PARVG: variants seen among roughly 807,000 people sequenced by gnomAD.
PARVG encodes parvin gamma.
In PARVG, 36 loss-of-function variants were observed where a neutral mutation model predicts 44.4. The ratio of observed to expected loss-of-function variants is 0.81; its 90% CI spans 0.62 to 1.07. The LOEUF (loss-of-function observed/expected upper bound fraction) is 1.07, where lower values mean the gene tolerates loss of function less well. Among genes scored for constraint, PARVG ranks in the 50% least tolerant of loss-of-function variants. The probability of loss-of-function intolerance (pLI) is 0.00; values close to 1 mark genes in which losing one functional copy is unlikely to be tolerated. For missense variants in PARVG, 407 were observed against 407.4 expected, an observed-to-expected ratio of 1.00 and a Z score of 0.01; for synonymous variants, 170 against 174.1, an observed-to-expected ratio of 0.98 and a Z score of 0.19.
Position 44,206,378 on chromosome 22 carries a change from C to T in PARVG, c.948C>T (p.His316=), listed in dbSNP as rs773119738. 6.2e-7 allele frequency: 1 copy of T among 1,614,056 alleles called. No homozygotes were observed. The highest frequency in any genetic ancestry group is 8.5e-7 in the Non-Finnish European group (1 of 1,180,000). Residue 316 remains histidine (H), a synonymous_variant, in exon 14 of 14, where the codon CAC becomes CAT. Coordinates refer to ENST00000444313, the MANE Select transcript of PARVG (RefSeq NM_022141.7). The part of the protein sequence containing the change: ...LRVLYGLFCK[H]TQKAHRDRTP... Reference sequence around the variant, plus strand: ...TGCTCTATGGTCTGTTCTGCAAGCACACGCAGAAGGCACACAGGGACAGGA... The same window carrying T: ...TGCTCTATGGTCTGTTCTGCAAGCATACGCAGAAGGCACACAGGGACAGGA...
rs1569183607 is a variant in PARVG at position 44,193,793 on chromosome 22, C to T, written c.561-8C>T. The T allele has an allele frequency of 1.2e-6, 2 of 1,613,360 alleles. No individual in the cohort carries two copies. Among genetic ancestry groups the T allele is most frequent in the Non-Finnish European group, 1.7e-6 (2 of 1,179,788 alleles). ...ACCATTTGTTTGCTTTTTCCACCCA[C>T]TGCACAGCACAGACAAGGACGAGCC... On this transcript the variant is annotated splice_region_variant and splice_polypyrimidine_tract_variant and intron_variant, in intron 8 of 13. Transcript: ENST00000444313.
chr22:44,185,221 G>C (rs1022055930), intron 3 of PARVG: 2 of 153,026 alleles, frequency 1.3e-5, no homozygotes, highest in Admixed American at 1.3e-4. Context: ...TGTGAATTTA[G>C]GCAAGACAGT....
intron 12 of PARVG, among the ~76,000 whole-genome samples, chr22:44,205,411 G>C (rs915850605): frequency 6.6e-6 from 1 of 152,208 alleles, no homozygotes; most frequent in African/African-American, 2.4e-5. Context: ...ACCTCCACCA[G>C]GAAGCCTTCC....
intron 3 of PARVG, chr22:44,184,306 C>T (rs939934718): frequency 6.6e-6 from 1 of 152,228 alleles, no homozygotes; most frequent in Admixed American, 6.5e-5. Flanking sequence ...CGGCTTTCTC[C>T]AGCTCCTGTG....
chr22:44,193,199 G>C (rs2054572578), intron 8 of PARVG, among the ~76,000 whole-genome samples: 1 of 151,598 alleles, frequency 6.6e-6, no homozygotes, highest in Non-Finnish European at 1.5e-5. Context: ...CTATGGGGTA[G>C]AGGTGGATCT....
intron 1 of PARVG, among the ~76,000 whole-genome samples, chr22:44,175,316 A>G (rs1207545219): frequency 6.6e-6 from 1 of 152,156 alleles, no homozygotes; most frequent in Non-Finnish European, 1.5e-5. Flanking sequence ...TTGCACGGCC[A>G]CTTGCCCTCA....
intron 12 of PARVG, among the ~76,000 whole-genome samples, chr22:44,198,968 A>C: frequency 1.6e-5 from 2 of 124,672 alleles, no homozygotes; most frequent in Admixed American, 8.1e-5. Flanking sequence ...CCATCCATCC[A>C]TCCATCCATC....
chr22:44,184,716 A>G (rs2054437923), intron 3 of PARVG: 1 of 152,140 alleles, frequency 6.6e-6, no homozygotes, highest in Admixed American at 6.5e-5. Context: ...GGCAGATGAG[A>G]CCCCAGAAGG....
At chr22:44,196,464 T>C (rs749450934) in intron 11 of PARVG, 49 bp downstream of exon 11, 1 of 1,603,838 alleles carries the variant, frequency 6.2e-7, no homozygotes, top group Non-Finnish European at 8.5e-7. Flanking sequence ...CCACTGGCCG[T>C]AGGAAGGAAA....
Position 44,181,769 on chromosome 22 carries a change from G to C in PARVG, c.-161G>C, listed in dbSNP as rs62228960. 57,818 of 985,364 alleles carry C rather than the reference G, an allele frequency of 0.059. 1,815 individuals are homozygous for C. Among genetic ancestry groups the C allele is most frequent in the Middle Eastern group, 0.12 (232 of 1,914 alleles). The allele number at this position is 985,364 out of a possible 1,614,324, so 61.0% of individuals were successfully genotyped here. A position where few individuals can be genotyped will look rare whatever the true frequency, so the allele number is the denominator to read the frequency against. On this transcript the variant is annotated 5_prime_UTR_variant, in exon 2 of 14. Coordinates refer to ENST00000444313, the MANE Select transcript of PARVG (RefSeq NM_022141.7). ...AGGAGGAAGCTCCTGCCGGCTGAGC[G>C]GGCCTGGAGGAAGTGAGCAGCGGGG...
At chr22:44,177,220 A>T (rs1368774583), upstream of PARVG, among the ~76,000 whole-genome samples, 1 of 152,190 alleles carries the variant, frequency 6.6e-6, no homozygotes, top group Non-Finnish European at 1.5e-5. Flanking sequence ...GCACACATTT[A>T]CCTGGTGATA....
intron 8 of PARVG, among the ~76,000 whole-genome samples, chr22:44,192,535 T>A (rs139141): frequency 6.6e-6 from 1 of 151,834 alleles, no homozygotes; most frequent in Non-Finnish European, 1.5e-5. Context: ...GGGGTGTGGC[T>A]GTCTTACTCC....
In PARVG at chr22:44,196,394, T is replaced by G. The variant is rs781776215; in HGVS notation, c.690T>G (p.Ser230=). 6.1e-5 allele frequency: 98 copies of G among 1,614,084 alleles called. No individual in the cohort carries two copies. In the East Asian group the frequency reaches 2.1e-3, roughly 35 times the overall value. ...AGAAGCTGGACCGCCTGGGCCTGTC[T>G]GTGCAGAATCTGGACACCCAGGTAG... ...VNQKLDRLGL[S]VQNLDTQFAD... is the part of the protein sequence containing the mutation. Residue 230 remains serine, a synonymous_variant, in exon 11 of 14, where the codon TCT becomes TCG. Coordinates refer to ENST00000444313, the MANE Select transcript of PARVG (RefSeq NM_022141.7).
At chr22:44,192,826 G>T (rs146267247) in intron 8 of PARVG, among the ~76,000 whole-genome samples, 86 of 152,338 alleles carry the variant, frequency 5.6e-4, no homozygotes, top group African/African-American at 1.8e-3. Context: ...CCCACTGGGA[G>T]CATGGCTGTC....
At chr22:44,192,492 AG>A (rs2054561885) in intron 8 of PARVG, among the ~76,000 whole-genome samples, 1 of 151,852 alleles carries the variant, frequency 6.6e-6, no homozygotes, top group African/African-American at 2.4e-5. Flanking sequence ...TGCCCACTTT[AG>A]GGTGTGACTG....
In PARVG at chr22:44,182,432, C is replaced by G. The variant is rs188458847; in HGVS notation, c.-13+515C>G. ...GGCTGGGAGTCAGTTGTGTCCCCAC[C>G]ACCTCCATGCTACAGGGCAGGATGG... On this transcript the variant is annotated intron_variant, in intron 2 of 13. Transcript: ENST00000444313. This position sits in a 1 kb window ranked among gnomAD's most constrained non-coding sequence, Gnocchi z 4.6. Among the ~76,000 whole-genome samples the G allele has an allele frequency of 5.3e-5, 8 of 152,132 alleles. No homozygotes were observed. Among genetic ancestry groups the G allele is most frequent in the Non-Finnish European group, 1.0e-4 (7 of 68,030 alleles).
At chr22:44,189,279 C>T (rs781051491) in intron 6 of PARVG, 25 bp downstream of exon 6, 40 of 1,612,296 alleles carry the variant, frequency 2.5e-5, no homozygotes, top group Non-Finnish European at 3.2e-5. Flanking sequence ...ACCTGGCTAC[C>T]CCTGGGGAGT....
intron 3 of PARVG, chr22:44,183,757 G>T: frequency 2.5e-6 from 1 of 401,114 alleles, no homozygotes; most frequent in Non-Finnish European, 4.4e-6. Context: ...TTATACAGAT[G>T]AGGAAACTGA....
At position 44,187,882 on chromosome 22, in the gene PARVG, A is replaced by G; in HGVS notation, c.247+4A>G. On this transcript the variant is annotated splice_donor_region_variant and intron_variant, in intron 5 of 13. Coordinates refer to ENST00000444313, the MANE Select transcript of PARVG (RefSeq NM_022141.7). ...CTCATCCTACACCACCTATTCCGTA[A>G]GTGGCTGTTTCTGGGGCTGCCTGGG... 6.2e-7 allele frequency: 1 copy of G among 1,614,104 alleles called. No homozygotes were observed. Among genetic ancestry groups the G allele is most frequent in the Middle Eastern group, 1.6e-4 (1 of 6,062 alleles).
Sources: allele counts gnomAD v4.1 joint callset (sites outside exome capture counted in the v4.1 genomes callset), GRCh38; gene constraint gnomAD v4.1.1; non-coding constraint Gnocchi (gnomAD v3.1); transcripts MANE v1.5; gene names NCBI Gene and HGNC (gene_info 2026-07-23, HGNC 2026-07-21).